Variants in SORCS2 observed in about 807,000 individuals in gnomAD.
SORCS2 encodes the protein VPS10 domain-containing receptor SorCS2.
SORCS2 carries 100 observed loss-of-function variants against 141.6 expected under a neutral mutation model. The observed-to-expected ratio is 0.71, with a 90% CI of 0.60 to 0.83. SORCS2 has a LOEUF of 0.83. Among genes scored for constraint, SORCS2 ranks in the 40% least tolerant of loss-of-function variants. The pLI, the probability that SORCS2 is intolerant of heterozygous loss-of-function variation, is 0.00. For synonymous variants in SORCS2, 789 were observed against 676.9 expected, an observed-to-expected ratio of 1.17 and a Z score of -2.57; for missense variants, 1,646 against 1,560.2, an observed-to-expected ratio of 1.05 and a Z score of -0.93.
At chr4:7,727,559 G>C (rs1022671433) in intron 21 of SORCS2, among the ~76,000 whole-genome samples, 1 of 152,210 alleles carries the variant, frequency 6.6e-6, no homozygotes, top group Non-Finnish European at 1.5e-5. Flanking sequence ...GGACAAGTGT[G>C]CGGAGGGTTG....
intron 3 of SORCS2, among the ~76,000 whole-genome samples, chr4:7,554,671 A>C (rs1443703236): frequency 6.6e-6 from 1 of 152,196 alleles, no homozygotes; most frequent in Non-Finnish European, 1.5e-5. Context: ...CCTGTCAGAG[A>C]TGCATAAAGA....
chr4:7,710,715 G>A (rs764097060), intron 14 of SORCS2, among the ~76,000 whole-genome samples: 2 of 152,160 alleles, frequency 1.3e-5, no homozygotes, highest in African/African-American at 2.4e-5. Flanking sequence ...ACTCACAGCC[G>A]GGGCCACCGT....
intron 2 of SORCS2, among the ~76,000 whole-genome samples, chr4:7,461,639 G>A (rs1222634326): frequency 1.3e-5 from 2 of 152,198 alleles, no homozygotes; most frequent in Non-Finnish European, 2.9e-5. Flanking sequence ...CAGCAGCCTC[G>A]CTGCTGGGGT....
chr4:7,733,066 C>T (rs1368960387), intron 23 of SORCS2, among the ~76,000 whole-genome samples: 1 of 149,252 alleles, frequency 6.7e-6, no homozygotes, highest in Non-Finnish European at 1.5e-5. Flanking sequence ...TCCCAGCAGA[C>T]CTTGCTCCCC....
chr4:7,223,108 C>G (rs1037989545), intron 1 of SORCS2, among the ~76,000 whole-genome samples: 2 of 152,044 alleles, frequency 1.3e-5, no homozygotes, highest in African/African-American at 2.4e-5. Context: ...ACAAAAAAAC[C>G]CAGACTCGTG....
chr4:7,301,594 A>G (rs534507993), intron 1 of SORCS2, among the ~76,000 whole-genome samples: 16 of 152,364 alleles, frequency 1.1e-4, no homozygotes, highest in African/African-American at 3.8e-4. Flanking sequence ...CACGGGGCAG[A>G]GGCCTAGGTT....
chr4:7,217,891 G>A (rs771861069), intron 1 of SORCS2, among the ~76,000 whole-genome samples: 5 of 152,210 alleles, frequency 3.3e-5, no homozygotes, highest in Non-Finnish European at 5.9e-5. Context: ...GGGTGGCGAG[G>A]GTCGAGAGTC....
intron 3 of SORCS2, among the ~76,000 whole-genome samples, chr4:7,535,795 A>G (rs988420500): frequency 6.7e-6 from 1 of 149,674 alleles, no homozygotes; most frequent in Admixed American, 6.6e-5. Flanking sequence ...CAGAGGCCTC[A>G]CCTGGTGGCT....
rs115864434 is a variant in SORCS2 at position 7,317,554 on chromosome 4, G to A, written c.481-78734G>A. On this transcript the variant is annotated intron_variant, in intron 1 of 26. Transcript: ENST00000507866. ...TTCTTCCTCCTCTATCACAGCCCCC[G>A]CCTCCCTCCAAGGAGCCCTTCCTCT... 3.3e-3 allele frequency among the ~76,000 whole-genome samples: 506 copies of A among 152,298 alleles called. 5 individuals carry two copies. The highest frequency in any genetic ancestry group is 0.011 in the African/African-American group (471 of 41,566).
intron 1 of SORCS2, among the ~76,000 whole-genome samples, chr4:7,343,074 C>T (rs930113178): frequency 2.6e-5 from 4 of 152,182 alleles, no homozygotes; most frequent in African/African-American, 9.6e-5. Flanking sequence ...CTGTGGGCCC[C>T]GAGTAGCTCG....
At chr4:7,253,007 C>T (rs1473133546) in intron 1 of SORCS2, among the ~76,000 whole-genome samples, 2 of 152,272 alleles carry the variant, frequency 1.3e-5, no homozygotes, top group East Asian at 3.8e-4. Context: ...ACAGAGGCCA[C>T]AGCTTGGACC....
Position 7,657,188 on chromosome 4 carries a change from G to A in SORCS2, c.887+2981G>A, listed in dbSNP as rs529909546. On this transcript the variant is annotated intron_variant, in intron 5 of 26. Coordinates refer to ENST00000507866, the MANE Select transcript of SORCS2 (RefSeq NM_020777.3). ...CCAGTACACTGAGAAATGGCTGTGG[G>A]AAGTGCTCAGAGCAAGAGACTAAAG... Among the ~76,000 whole-genome samples, 19 of 152,376 alleles carry A rather than the reference G, an allele frequency of 1.2e-4. No individual in the cohort carries two copies. The South Asian group carries it at 2.3e-3, about 18-fold the overall frequency.
intron 1 of SORCS2, among the ~76,000 whole-genome samples, chr4:7,344,941 C>A (rs1171604858): frequency 6.6e-6 from 1 of 152,186 alleles, no homozygotes; most frequent in South Asian, 2.1e-4. Context: ...GCCACCCAGA[C>A]CCCAGTCTCA....
chr4:7,264,461 T>C (rs1714580521), intron 1 of SORCS2, among the ~76,000 whole-genome samples: 1 of 152,150 alleles, frequency 6.6e-6, no homozygotes, highest in Admixed American at 6.5e-5. Context: ...AGCACCAAGC[T>C]GCCACCACCA....
At chr4:7,228,112 C>A (rs1309910530) in intron 1 of SORCS2, among the ~76,000 whole-genome samples, 1 of 152,188 alleles carries the variant, frequency 6.6e-6, no homozygotes, top group Non-Finnish European at 1.5e-5. Flanking sequence ...GTCCTGGAGG[C>A]TGGAAGCTAA....
chr4:7,660,936 G>C (rs571998496), intron 5 of SORCS2, among the ~76,000 whole-genome samples: 1 of 152,172 alleles, frequency 6.6e-6, no homozygotes, highest in Non-Finnish European at 1.5e-5. Context: ...ACCAGGTCAT[G>C]GGGAGCAGGA....
intron 1 of SORCS2, among the ~76,000 whole-genome samples, chr4:7,315,732 T>C (rs1348372168): frequency 6.6e-6 from 1 of 152,244 alleles, no homozygotes; most frequent in African/African-American, 2.4e-5. Flanking sequence ...CTCTCACCTC[T>C]GAAGGTCCTT....
chr4:7,390,683 T>C (rs1723803060), intron 1 of SORCS2, among the ~76,000 whole-genome samples: 1 of 152,108 alleles, frequency 6.6e-6, no homozygotes, highest in South Asian at 2.1e-4. Context: ...TGAACTTCCC[T>C]TGGATGGTGA....
chr4:7,691,863 A>G (rs1724277495), intron 11 of SORCS2, among the ~76,000 whole-genome samples: 1 of 152,102 alleles, frequency 6.6e-6, no homozygotes, highest in African/African-American at 2.4e-5. Context: ...CTGAGAGCCC[A>G]GAATGAGGGT....
Sources: gnomAD v4.1 joint callset for allele counts (sites outside exome capture counted in the v4.1 genomes callset) on GRCh38, gnomAD v4.1.1 for gene constraint, MANE v1.5 for transcripts, NCBI Gene and HGNC (gene_info 2026-07-23, HGNC 2026-07-21) for gene names.